TUBGCP5: variants seen among roughly 807,000 people sequenced by gnomAD.
The protein encoded by TUBGCP5 is gamma-tubulin complex component 5.
TUBGCP5 carries 98 observed loss-of-function variants against 134.7 expected under a neutral mutation model. The ratio of observed to expected loss-of-function variants is 0.73; its 90% CI spans 0.62 to 0.86. The LOEUF (loss-of-function observed/expected upper bound fraction) is 0.86. TUBGCP5 is among the 40% of genes least tolerant of loss of function. The probability of loss-of-function intolerance (pLI) is 0.00; values close to 1 mark genes in which losing one functional copy is unlikely to be tolerated. For missense variants in TUBGCP5, 1,150 were observed against 1,244.8 expected (o/e 0.92, Z 1.15); for synonymous variants, 456 against 431.4 (o/e 1.06, Z -0.71).
chr15:23,000,763 GTTTAA>G (rs1199686000), intron 21 of TUBGCP5, 94 bp from the exon 22 acceptor site: 1 of 933,710 alleles, frequency 1.1e-6, no homozygotes, highest in African/African-American at 1.7e-5. Context: ...ATGTATTTTG[GTTTAA>G]TTATTTAAAA....
At chr15:22,991,321 CATG>C (rs2063838760) in intron 23 of TUBGCP5, among the ~76,000 whole-genome samples, 1 of 152,132 alleles carries the variant, frequency 6.6e-6, no homozygotes, top group South Asian at 2.1e-4. Flanking sequence ...GTCTCGAACT[CATG>C]ACCTCAGGTG....
intron 10 of TUBGCP5, among the ~76,000 whole-genome samples, chr15:23,022,681 C>T (rs1004219128): frequency 6.6e-6 from 1 of 152,166 alleles, no homozygotes; most frequent in Non-Finnish European, 1.5e-5. Context: ...CAAGTTCCTG[C>T]GACACTGGTG....
intron 21 of TUBGCP5, among the ~76,000 whole-genome samples, chr15:23,002,198 A>G (rs2064429047): frequency 1.3e-5 from 2 of 152,164 alleles, no homozygotes; most frequent in African/African-American, 4.8e-5. Flanking sequence ...CCAGCAATAT[A>G]AAGCGAGGAA....
Position 23,021,246 on chromosome 15 carries a change from C to T in TUBGCP5, c.1371+713G>A, listed in dbSNP as rs191072733. 9.2e-5 allele frequency among the ~76,000 whole-genome samples: 14 copies of T among 152,230 alleles called. 1 individual carries two copies. The highest frequency in any genetic ancestry group is 4.8e-5 in the African/African-American group (2 of 41,546). On this transcript the variant is annotated intron_variant, in intron 11 of 22. Coordinates refer to ENST00000615383, the MANE Select transcript of TUBGCP5 (RefSeq NM_052903.6). ...TCAGACTCATATGTAGCTGGGACTA[C>T]AGGCGTGAGCCACTATGCATGGCCT...
intron 10 of TUBGCP5, among the ~76,000 whole-genome samples, 185 bp from the exon 11 acceptor site, chr15:23,022,346 A>G (rs2065753177): frequency 6.6e-6 from 1 of 152,220 alleles, no homozygotes; most frequent in Non-Finnish European, 1.5e-5. Context: ...CACAGAGAAA[A>G]AGACAACTCA....
intron 18 of TUBGCP5, 166 bp from the exon 19 acceptor site, chr15:23,005,776 A>C: frequency 1.3e-6 from 1 of 748,820 alleles, no homozygotes; most frequent in East Asian, 2.7e-5. Flanking sequence ...GTGCAGTGGG[A>C]AAAGTTTCCT....
intron 23 of TUBGCP5, among the ~76,000 whole-genome samples, chr15:22,991,530 G>A (rs1402394203): frequency 1.3e-5 from 2 of 152,190 alleles, no homozygotes; most frequent in African/African-American, 4.8e-5. Context: ...GGCGCTGGCG[G>A]AGGCTTGGGG....
intron 19 of TUBGCP5, 192 bp from the exon 20 acceptor site, chr15:23,004,419 G>A (rs1021468977): frequency 8.2e-6 from 5 of 613,174 alleles, no homozygotes; most frequent in Middle Eastern, 4.4e-4. Context: ...CTAAGAGGAC[G>A]GCGGGGGCAA....
intron 23 of TUBGCP5, among the ~76,000 whole-genome samples, chr15:22,989,518 G>A (rs532938380): frequency 6.6e-6 from 1 of 152,228 alleles, no homozygotes; most frequent in East Asian, 1.9e-4. Flanking sequence ...AATCATACTT[G>A]TCTTGGTCTG....
chr15:23,019,180 T>C, intron 12 of TUBGCP5, 39 bp downstream of exon 12: 1 of 1,446,814 alleles, frequency 6.9e-7, no homozygotes, highest in South Asian at 1.2e-5. Flanking sequence ...AAACTGGTGA[T>C]GCCAGCCCCC....
At chr15:23,004,368 C>G in intron 19 of TUBGCP5, 141 bp from the exon 20 acceptor site, 2 of 1,015,636 alleles carry the variant, frequency 2.0e-6, no homozygotes, top group Non-Finnish European at 1.4e-6. Context: ...TCATAAAGTA[C>G]CATTCTTCAA....
chr15:23,011,076 A>G, intron 14 of TUBGCP5, 57 bp downstream of exon 14: 1 of 1,566,030 alleles, frequency 6.4e-7, no homozygotes. Flanking sequence ...AACAGTTAGC[A>G]AACATTGCAC....
At chr15:23,008,381 T>C (rs2064846313) in intron 16 of TUBGCP5, 2 of 340,800 alleles carry the variant, frequency 5.9e-6, no homozygotes, top group Non-Finnish European at 1.1e-5. Context: ...ATTCTCCTGC[T>C]TCAGCCTCCC....
At chr15:23,011,391 TTC>T in intron 13 of TUBGCP5, 60 bp from the exon 14 acceptor site, 1 of 1,170,564 alleles carries the variant, frequency 8.5e-7, no homozygotes, top group Admixed American at 2.2e-5. Flanking sequence ...TTAAGTAACA[TTC>T]TGTTTAATCA....
chr15:22,999,921 AT>A (rs2064272444), intron 22 of TUBGCP5, 55 bp from the exon 23 acceptor site: 57 of 1,575,548 alleles, frequency 3.6e-5, no homozygotes, highest in Non-Finnish European at 4.3e-5. Context: ...TTGAAAAAAA[AT>A]TTTTTTTGAA....
chr15:23,036,365 T>C (rs1423791963), intron 3 of TUBGCP5, among the ~76,000 whole-genome samples: 1 of 152,218 alleles, frequency 6.6e-6, no homozygotes, highest in Non-Finnish European at 1.5e-5. Flanking sequence ...TGGACATGCG[T>C]GCCTAGCTTC....
intron 6 of TUBGCP5, among the ~76,000 whole-genome samples, chr15:23,030,265 C>T (rs890631551): frequency 1.1e-4 from 16 of 152,092 alleles, no homozygotes; most frequent in African/African-American, 3.6e-4. Flanking sequence ...GGAAACTTGC[C>T]ATCTATGTAT....
rs960379852 is a variant in TUBGCP5 at position 23,028,250 on chromosome 15, T to C, written c.623-944A>G. Among the ~76,000 whole-genome samples, 5 of 151,862 alleles carry C rather than the reference T, an allele frequency of 3.3e-5. 1 individual carries two copies. Among genetic ancestry groups the C allele is most frequent in the Admixed American group, 2.6e-4 (4 of 15,254 alleles). On this transcript the variant is annotated intron_variant, in intron 6 of 22. Transcript: ENST00000615383. ...ACAAACTTAGCTGGGTGTGGTGGCA[T>C]GCACTGGAAGCCCCAGCTTCTTAGG...
chr15:23,004,137 A>AC lies in TUBGCP5; in HGVS notation c.2802dup (p.Ser935ValfsTer5). ...AGCAGACACCGGTCATGGATGGTTG[A>AC]CAGATACCTATAGTGAATTTTAATC... On this transcript the variant is annotated frameshift_variant, in exon 20 of 23. Coordinates refer to ENST00000615383, the MANE Select transcript of TUBGCP5 (RefSeq NM_052903.6). LOFTEE classifies it high-confidence loss of function. 6.2e-7 allele frequency: 1 copy of AC among 1,613,022 alleles called. No individual in the cohort carries two copies. The highest frequency in any genetic ancestry group is 1.1e-5 in the South Asian group (1 of 90,606).
Sources: allele counts gnomAD v4.1 joint callset (sites outside exome capture counted in the v4.1 genomes callset), GRCh38; gene constraint gnomAD v4.1.1; transcripts MANE v1.5; gene names NCBI Gene and HGNC (gene_info 2026-07-23, HGNC 2026-07-21).